The following AHCTF1 variants were observed in gnomAD, a reference collection of about 807,000 sequenced individuals.
AHCTF1 encodes AT-hook containing transcription factor 1.
Under a neutral mutation model 248.4 loss-of-function variants are expected in AHCTF1, and 24 were observed. The observed-to-expected ratio is 0.10, with a 90% CI of 0.07 to 0.14. The LOEUF is 0.14. Ranked by LOEUF, AHCTF1 falls within the 10% of genes least tolerant of loss-of-function variation. AHCTF1 has a pLI of 1.00. For missense variants in AHCTF1, 2,206 were observed against 2,636.2 expected (o/e 0.84, Z 3.57); for synonymous variants, 786 against 929.8 (o/e 0.85, Z 2.81).
intron 23 of AHCTF1, 22 bp from the exon 24 acceptor site, chr1:246,876,209 A>G: frequency 6.5e-7 from 1 of 1,545,930 alleles, no homozygotes; most frequent in Non-Finnish European, 8.8e-7. Flanking sequence ...CAAAATTGGT[A>G]AAAAATTTAA....
chr1:246,890,198 G>C (rs1213236812), intron 16 of AHCTF1, 139 bp from the exon 17 acceptor site: 1 of 520,452 alleles, frequency 1.9e-6, no homozygotes, highest in Non-Finnish European at 3.4e-6. Context: ...GGTAATAAAA[G>C]ATTACTACAC....
chr1:246,869,112 G>GA (rs1235707801), intron 24 of AHCTF1, among the ~76,000 whole-genome samples: 1 of 139,906 alleles, frequency 7.1e-6, no homozygotes, highest in African/African-American at 2.9e-5. Context: ...CCAAAGTGCT[G>GA]GATTACAGGC....
intron 17 of AHCTF1, among the ~76,000 whole-genome samples, chr1:246,888,906 C>G (rs764588456): frequency 1.3e-5 from 2 of 152,042 alleles, no homozygotes; most frequent in Non-Finnish European, 2.9e-5. Flanking sequence ...TCTCTAAAAA[C>G]AGAGAGAGAG....
intron 30 of AHCTF1, among the ~76,000 whole-genome samples, chr1:246,856,964 C>A (rs1661152368): frequency 6.6e-6 from 1 of 152,204 alleles, no homozygotes; most frequent in Non-Finnish European, 1.5e-5. Context: ...CTGAAGCTGT[C>A]CCTTTTTTGT....
chr1:246,903,857 A>G lies in AHCTF1; in HGVS notation c.966+92T>C, dbSNP rs927263374. 1.3e-5 allele frequency: 13 copies of G among 980,746 alleles called. No individual in the cohort carries two copies. The Admixed American group carries it at 2.5e-4, about 19-fold the overall frequency. The allele number at this position is 980,746 out of a possible 1,614,324, so 60.8% of individuals were successfully genotyped here. A position where few individuals can be genotyped will look rare whatever the true frequency, so the allele number is the denominator to read the frequency against. On this transcript the variant is annotated intron_variant, in intron 7 of 35. Transcript: ENST00000648844. ...TGTCTCAAAAAAAAAAAAAAAAAGA[A>G]TCACTTTTCAATATCTTAAAACAAA...
At chr1:246,870,815 T>A (rs1316685269) in intron 24 of AHCTF1, among the ~76,000 whole-genome samples, 1 of 151,040 alleles carries the variant, frequency 6.6e-6, no homozygotes, top group Non-Finnish European at 1.5e-5. Flanking sequence ...ATCAAATACC[T>A]CCTCCTCAGA....
rs1661065028 is a variant in AHCTF1, at chr1:246,855,732, T to C, written c.4352A>G (p.Lys1451Arg). The change falls in exon 31 of 36, where the codon AAA becomes AGA. Residue 1451 changes from lysine to arginine, a missense_variant and splice_region_variant. Coordinates refer to ENST00000648844, the MANE Select transcript of AHCTF1 (RefSeq NM_001323342.2). ...GAAGTCAAAATTATTATACATACAT[T>C]TATTGTCATTTGCTCTAATTGCAGG... ...YTPAIRANDN[K>R]SMADVLGDGG... 1.9e-6 allele frequency: 3 copies of C among 1,607,122 alleles called. No individual in the cohort carries two copies. The highest frequency in any genetic ancestry group is 1.3e-5 in the African/African-American group (1 of 74,588).
chr1:246,895,450 CACA>C (rs768220585), intron 13 of AHCTF1, among the ~76,000 whole-genome samples: 3 of 152,068 alleles, frequency 2.0e-5, no homozygotes, highest in Non-Finnish European at 4.4e-5. Context: ...CAGTGATACA[CACA>C]ACAATTTGGA....
intron 4 of AHCTF1, among the ~76,000 whole-genome samples, chr1:246,910,662 T>C (rs538760118): frequency 6.7e-4 from 102 of 152,316 alleles, no homozygotes; most frequent in African/African-American, 2.3e-3. Flanking sequence ...CATATATTAA[T>C]ATAACCACTG....
Position 246,913,301 on chromosome 1 carries a change from C to T in AHCTF1, c.487G>A (p.Gly163Arg), listed in dbSNP as rs1286683334. ...FGVAAVVTDV[G>R]QILLVDLCLD... ...CATAGGTCAACAAGAAGGATCTGTC[C>T]AACATCAGTGACCACAGCTGCCACT... Residue 163 changes from glycine (G) to arginine (R), a missense_variant, in exon 4 of 36, where the codon GGA becomes AGA. Around this residue, in one of 6 missense-constraint regions of AHCTF1, gnomAD observed 650 missense variants for 870.8 expected, o/e 0.75. Transcript: ENST00000648844. The T allele has an allele frequency of 6.2e-7, 1 of 1,613,672 alleles. No individual in the cohort carries two copies. The highest frequency in any genetic ancestry group is 8.5e-7 in the Non-Finnish European group (1 of 1,179,842).
rs767668291 is a variant in AHCTF1 at position 246,840,831 on chromosome 1, T to G, written c.6776A>C (p.Gln2259Pro). 9 of 1,597,542 alleles carry G rather than the reference T, an allele frequency of 5.6e-6. No homozygotes were observed. The South Asian group carries it at 1.0e-4, about 18-fold the overall frequency. The change falls in exon 36 of 36, where the codon CAA becomes CCA. Residue 2259 changes from glutamine (Q) to proline (P), a missense_variant. Around this residue, in one of 6 missense-constraint regions of AHCTF1, gnomAD observed 469 missense variants for 470.0 expected, o/e 1.00. Transcript: ENST00000648844. ...NRKKLSSYPK[Q>P]ILRRKML is the part of the protein sequence containing the mutation. ...TTACAGCATTTTTCTGCGTAAAATT[T>G]GCTTTGGATAGGAAGACAGTTTCTT...
At chr1:246,882,828 T>C (rs1456010897) in intron 21 of AHCTF1, among the ~76,000 whole-genome samples, 2 of 152,208 alleles carry the variant, frequency 1.3e-5, no homozygotes, top group African/African-American at 2.4e-5. Context: ...TGTCCATATA[T>C]ATAGCTCATA....
chr1:246,920,769 CAAA>C (rs770845244), intron 1 of AHCTF1, among the ~76,000 whole-genome samples: 1 of 110,676 alleles, frequency 9.0e-6, no homozygotes. Flanking sequence ...AACACTGTCT[CAAA>C]AAAAAAAAAA....
At chr1:246,892,559 G>T (rs918206479) in intron 14 of AHCTF1, among the ~76,000 whole-genome samples, 2 of 151,970 alleles carry the variant, frequency 1.3e-5, no homozygotes, top group African/African-American at 4.8e-5. Context: ...GACCTCAGGT[G>T]ATCCGCCCGC....
At chr1:246,874,843 C>T (rs1662829072) in intron 24 of AHCTF1, among the ~76,000 whole-genome samples, 9 of 152,166 alleles carry the variant, frequency 5.9e-5, no homozygotes, top group Admixed American at 3.9e-4. Context: ...ACCTCCGGCT[C>T]TCAGCCCTCA....
chr1:246,899,922 ATAT>A lies in AHCTF1; in HGVS notation c.1432+140_1432+142del. The A allele has an allele frequency of 9.4e-6, 7 of 745,800 alleles. No individual in the cohort carries two copies. In the South Asian group the frequency reaches 1.4e-4, roughly 15 times the overall value. 46.2% of individuals were successfully genotyped at this position (745,800 alleles called of 1,614,324 possible). On this transcript the variant is annotated intron_variant, in intron 10 of 35. Transcript: ENST00000648844. The stretch of plus-strand genomic sequence containing the variant: ...TAAATACTAAGTTTCTTGTGTGTAT[ATAT>A]TAATTTCCTAAGTTATCCATATGTT...
At chr1:246,876,010 T>C in intron 24 of AHCTF1, 27 bp downstream of exon 24, 12 of 1,560,252 alleles carry the variant, frequency 7.7e-6, no homozygotes, top group Non-Finnish European at 1.0e-5. Flanking sequence ...TCCAATAGAT[T>C]ATGATATTCT....
At chr1:246,873,029 C>T (rs1461542013) in intron 24 of AHCTF1, among the ~76,000 whole-genome samples, 1 of 152,100 alleles carries the variant, frequency 6.6e-6, no homozygotes, top group East Asian at 1.9e-4. Flanking sequence ...GGGGCTCAGA[C>T]CCTAAAAGCC....
chr1:246,871,042 T>A (rs1199245696), intron 24 of AHCTF1, among the ~76,000 whole-genome samples: 1 of 152,204 alleles, frequency 6.6e-6, no homozygotes, highest in African/African-American at 2.4e-5. Flanking sequence ...CCAAACCTTT[T>A]GACTTATCTG....
Sources: gnomAD v4.1 joint callset for allele counts (sites outside exome capture counted in the v4.1 genomes callset) on GRCh38, gnomAD v4.1.1 for gene constraint, gnomAD v4.1.1 regional missense constraint, MANE v1.5 for transcripts, NCBI Gene and HGNC (gene_info 2026-07-23, HGNC 2026-07-21) for gene names.